SCHIP1: variants seen among roughly 807,000 people sequenced by gnomAD.
SCHIP1 encodes schwannomin interacting protein 1, also known as schwannomin-interacting protein 1.
A neutral mutation model predicts 29.7 loss-of-function variants in SCHIP1; 8 were observed. The ratio of observed to expected loss-of-function variants is 0.27; its 90% CI spans 0.16 to 0.49. The LOEUF is 0.49. Ranked by LOEUF, SCHIP1 falls within the 20% of genes least tolerant of loss-of-function variation. The pLI is 0.99. For missense variants in SCHIP1, 193 were observed against 294.6 expected (o/e 0.66, Z 2.52); for synonymous variants, 76 against 94.9 (o/e 0.80, Z 1.16).
chr3:159,481,499 G>A, the SCHIP1 span, among the ~76,000 whole-genome samples: 41 of 152,168 alleles, frequency 2.7e-4, no homozygotes. Flanking sequence ...TCTCCCATAA[G>A]ATATTTGGGA....
the SCHIP1 span, among the ~76,000 whole-genome samples, chr3:159,416,958 A>C: frequency 6.6e-6 from 1 of 152,194 alleles, no homozygotes; most frequent in Non-Finnish European, 1.5e-5. Flanking sequence ...TGGATCCCTG[A>C]CAGAAAGCTG....
At chr3:159,562,215 T>A in the SCHIP1 span, among the ~76,000 whole-genome samples, 1 of 152,234 alleles carries the variant, frequency 6.6e-6, no homozygotes, top group Non-Finnish European at 1.5e-5. Flanking sequence ...ATTATTTACT[T>A]CCTCTGTTTT....
chr3:159,398,967 C>T, the SCHIP1 span: 1 of 983,294 alleles, frequency 1.0e-6, no homozygotes, highest in Non-Finnish European at 1.2e-6. Context: ...GGGCAATTTG[C>T]CCAGTCTACA....
chr3:159,486,215 C>A, the SCHIP1 span, among the ~76,000 whole-genome samples: 7 of 152,148 alleles, frequency 4.6e-5, no homozygotes, highest in Non-Finnish European at 1.5e-5. Flanking sequence ...TAACTACAGA[C>A]CCCATGCTGC....
chr3:159,816,121 G>A, the SCHIP1 span, among the ~76,000 whole-genome samples: 3 of 151,836 alleles, frequency 2.0e-5, no homozygotes, highest in Non-Finnish European at 4.4e-5. Context: ...GCTAATTTTT[G>A]TACTTTTAGT....
At chr3:159,629,312 A>T in the SCHIP1 span, among the ~76,000 whole-genome samples, 2 of 152,118 alleles carry the variant, frequency 1.3e-5, no homozygotes, top group African/African-American at 4.8e-5. Flanking sequence ...AACAAAAACA[A>T]AACACTGAAT....
At chr3:159,398,190 A>G in the SCHIP1 span, among the ~76,000 whole-genome samples, 6 of 152,024 alleles carry the variant, frequency 3.9e-5, no homozygotes, top group African/African-American at 1.4e-4. Context: ...CAGCTCACAC[A>G]CGGTGCGCAC....
intron 2 of SCHIP1, among the ~76,000 whole-genome samples, chr3:159,878,940 G>A (rs1716163449): frequency 6.7e-6 from 1 of 149,906 alleles, no homozygotes; most frequent in South Asian, 2.1e-4. Context: ...AAAAAAAGAT[G>A]TATTTCCTGA....
chr3:159,887,796 A>C (rs1161089884), exon 4 of SCHIP1: 1 of 1,613,954 alleles, frequency 6.2e-7, no homozygotes, highest in Non-Finnish European at 8.5e-7. Context: ...ACAAGGCAAA[A>C]GAAATTGCAA....
chr3:159,392,056 C>A, the SCHIP1 span, among the ~76,000 whole-genome samples: 1 of 152,140 alleles, frequency 6.6e-6, no homozygotes, highest in Non-Finnish European at 1.5e-5. Flanking sequence ...AGAGAAAGGT[C>A]CTAAAAGACT....
At chr3:159,599,599 G>C in the SCHIP1 span, among the ~76,000 whole-genome samples, 1 of 152,168 alleles carries the variant, frequency 6.6e-6, no homozygotes, top group East Asian at 1.9e-4. Context: ...TTTTGTGACT[G>C]AGAAGTATTC....
At chr3:159,530,102 GAATA>G in the SCHIP1 span, among the ~76,000 whole-genome samples, 1 of 152,212 alleles carries the variant, frequency 6.6e-6, no homozygotes, top group South Asian at 2.1e-4. Flanking sequence ...CCTTTCTTTT[GAATA>G]AATACCCAGC....
the SCHIP1 span, chr3:159,763,798 C>A: frequency 3.9e-5 from 6 of 152,358 alleles, no homozygotes; most frequent in East Asian, 1.9e-4. Flanking sequence ...GAGCGCCCCC[C>A]ACCCCGAGCC....
chr3:159,352,046 G>A, the SCHIP1 span, among the ~76,000 whole-genome samples: 1 of 152,140 alleles, frequency 6.6e-6, no homozygotes, highest in Non-Finnish European at 1.5e-5. Context: ...AGAATAAAAG[G>A]TGTTTTTTTG....
intron 1 of SCHIP1, among the ~76,000 whole-genome samples, chr3:159,850,680 CAG>C (rs920110768): frequency 1.4e-4 from 22 of 151,914 alleles, no homozygotes; most frequent in African/African-American, 5.1e-4. Flanking sequence ...ACAATTACGA[CAG>C]AAGGCAAAGG....
chr3:159,443,759 G>A, the SCHIP1 span, among the ~76,000 whole-genome samples: 2 of 152,104 alleles, frequency 1.3e-5, no homozygotes, highest in Non-Finnish European at 2.9e-5. Flanking sequence ...TGCCCGCCTC[G>A]GCCTCCCAAA....
upstream of SCHIP1, among the ~76,000 whole-genome samples, chr3:159,837,697 C>T (rs528894885): frequency 1.3e-4 from 19 of 150,432 alleles, no homozygotes; most frequent in Non-Finnish European, 2.5e-4. Flanking sequence ...GTCTGGGTGA[C>T]AGAGTGAGAC....
the SCHIP1 span, among the ~76,000 whole-genome samples, chr3:159,600,259 G>A: frequency 6.6e-6 from 1 of 152,140 alleles, no homozygotes; most frequent in Non-Finnish European, 1.5e-5. Context: ...CTAATTCTCT[G>A]ACCAAATGTA....
the SCHIP1 span, among the ~76,000 whole-genome samples, chr3:159,706,582 A>G: frequency 6.6e-6 from 1 of 152,224 alleles, no homozygotes; most frequent in Non-Finnish European, 1.5e-5. Context: ...AGGGGCACAC[A>G]TTCAGGAGAA....
Sources: allele counts gnomAD v4.1 joint callset (sites outside exome capture counted in the v4.1 genomes callset), GRCh38; gene constraint gnomAD v4.1.1; transcripts MANE v1.5; gene names NCBI Gene and HGNC (gene_info 2026-07-23, HGNC 2026-07-21).